The following PADI1 variants were observed in gnomAD, a reference collection of about 807,000 sequenced individuals.
PADI1 encodes the protein protein-arginine deiminase type-1.
In PADI1, 65 loss-of-function variants were observed where a neutral mutation model predicts 74.8. The ratio of observed to expected loss-of-function variants is 0.87; its 90% CI spans 0.71 to 1.07. The LOEUF is 1.07. Ranked by LOEUF, PADI1 falls within the 50% of genes least tolerant of loss-of-function variation. The pLI, the probability that PADI1 is intolerant of heterozygous loss-of-function variation, is 0.00. For missense variants in PADI1, 943 were observed against 854.0 expected (o/e 1.10, Z -1.30); for synonymous variants, 371 against 336.2 (o/e 1.10, Z -1.13).
chr1:17,242,067 A>T (rs1182400232), intron 15 of PADI1, among the ~76,000 whole-genome samples: 1 of 152,082 alleles, frequency 6.6e-6, no homozygotes, highest in African/African-American at 2.4e-5. Flanking sequence ...CCTGGCAGAG[A>T]CCCCCAAGCA....
chr1:17,232,483 C>A (rs546045723), intron 10 of PADI1, among the ~76,000 whole-genome samples: 1 of 152,200 alleles, frequency 6.6e-6, no homozygotes, highest in Non-Finnish European at 1.5e-5. Context: ...AATGTGCTAT[C>A]AAAAGACAGC....
At chr1:17,219,233 C>T (rs767279661) in intron 1 of PADI1, among the ~76,000 whole-genome samples, 8 of 151,784 alleles carry the variant, frequency 5.3e-5, no homozygotes, top group South Asian at 2.1e-4. Context: ...AGGGGGTGGC[C>T]GCAGCGGGGG....
chr1:17,207,005 A>T (rs1200963342), intron 1 of PADI1, among the ~76,000 whole-genome samples: 1 of 152,150 alleles, frequency 6.6e-6, no homozygotes, highest in Non-Finnish European at 1.5e-5. Flanking sequence ...CTAACTAGGC[A>T]TCCCACATTG....
In PADI1 at chr1:17,228,933, T is replaced by G; in HGVS notation, c.826-15T>G. The G allele has an allele frequency of 6.3e-7, 1 of 1,589,700 alleles. No homozygotes were observed. Among genetic ancestry groups the G allele is most frequent in the Non-Finnish European group, 8.6e-7 (1 of 1,163,580 alleles). ...GGTCCCTGCAGGGCCCACCAAGTCC[T>G]CATTTTCCCCTCAGACCCTGCCCGA... On this transcript the variant is annotated splice_polypyrimidine_tract_variant and intron_variant, in intron 7 of 15. Transcript: ENST00000375471.
chr1:17,230,800 T>C, intron 10 of PADI1, 121 bp downstream of exon 10: 1 of 644,696 alleles, frequency 1.6e-6, no homozygotes, highest in South Asian at 1.8e-5. Context: ...GGCAGAAGGA[T>C]ACAGGAGGTG....
intron 13 of PADI1, 138 bp from the exon 14 acceptor site, chr1:17,239,566 T>C: frequency 3.0e-6 from 2 of 664,450 alleles, no homozygotes; most frequent in Non-Finnish European, 5.5e-6. Context: ...GTTCTCAGTC[T>C]CTGGCTTTCT....
At chr1:17,211,658 C>T (rs2071836987) in intron 1 of PADI1, among the ~76,000 whole-genome samples, 1 of 152,202 alleles carries the variant, frequency 6.6e-6, no homozygotes, top group South Asian at 2.1e-4. Flanking sequence ...TTCTGTGAGC[C>T]TAACCCTGTG....
At chr1:17,226,546 T>C (rs1481556171) in intron 6 of PADI1, among the ~76,000 whole-genome samples, 1 of 152,130 alleles carries the variant, frequency 6.6e-6, no homozygotes. Flanking sequence ...TGAGAACCAG[T>C]GAGGCTGAGG....
intron 12 of PADI1, among the ~76,000 whole-genome samples, chr1:17,238,230 C>G (rs1569847355): frequency 6.6e-6 from 1 of 152,144 alleles, no homozygotes; most frequent in Non-Finnish European, 1.5e-5. Flanking sequence ...TAAGTAGAGA[C>G]AGGGTTTCAC....
chr1:17,225,281 C>T (rs1459484758), intron 4 of PADI1, among the ~76,000 whole-genome samples: 1 of 152,182 alleles, frequency 6.6e-6, no homozygotes, highest in Non-Finnish European at 1.5e-5. Flanking sequence ...GTGTTGGGGA[C>T]AGCAGCAACC....
intron 12 of PADI1, 73 bp from the exon 13 acceptor site, chr1:17,238,543 A>G (rs1339673071): frequency 4.2e-6 from 3 of 713,302 alleles, no homozygotes; most frequent in Non-Finnish European, 6.4e-6. Context: ...GCCCCTCCTG[A>G]GTCCTGAGTC....
At chr1:17,222,257 A>G in intron 1 of PADI1, 33 bp from the exon 2 acceptor site, 1 of 1,569,202 alleles carries the variant, frequency 6.4e-7, no homozygotes, top group Non-Finnish European at 8.8e-7. Flanking sequence ...AGATGGGAAG[A>G]CTGGTTCTCT....
chr1:17,205,545 A>C (rs2071661165), intron 1 of PADI1, among the ~76,000 whole-genome samples: 1 of 152,116 alleles, frequency 6.6e-6, no homozygotes. Context: ...TCCCCTGGGT[A>C]AGAGTCCAGC....
Position 17,230,643 on chromosome 1 carries a change from C to G in PADI1, c.1125C>G (p.Asn375Lys), listed in dbSNP as rs781426993. ...CCGTGGTCTTTGACTCCCCCAGGAA[C>G]AGGGGCCTGAAAGATTTCCCCTATA... ...SFPVVFDSPR[N>K]RGLKDFPYKR... Residue 375 changes from asparagine (N) to lysine (K), a missense_variant, in exon 10 of 16, where the codon AAC (asparagine) becomes AAG (lysine). Coordinates refer to ENST00000375471, the MANE Select transcript of PADI1 (RefSeq NM_013358.3). 6.2e-7 allele frequency: 1 copy of G among 1,611,536 alleles called. No homozygotes were observed. Among genetic ancestry groups the G allele is most frequent in the East Asian group, 2.2e-5 (1 of 44,874 alleles).
At chr1:17,206,531 C>G (rs977967123) in intron 1 of PADI1, among the ~76,000 whole-genome samples, 1 of 152,106 alleles carries the variant, frequency 6.6e-6, no homozygotes, top group African/African-American at 2.4e-5. Flanking sequence ...TTAACATAGG[C>G]TTGCCAGATT....
chr1:17,208,138 G>C (rs1009666735), intron 1 of PADI1, among the ~76,000 whole-genome samples: 4 of 152,194 alleles, frequency 2.6e-5, no homozygotes, highest in African/African-American at 9.7e-5. Context: ...ACTGGTGGGA[G>C]GGGGGAAGCC....
chr1:17,209,643 C>T (rs1569740235), intron 1 of PADI1, among the ~76,000 whole-genome samples: 1 of 152,012 alleles, frequency 6.6e-6, no homozygotes. Flanking sequence ...CCTGGCATTT[C>T]CTGGATCCTA....
chr1:17,232,660 A>AG (rs1244224724), intron 10 of PADI1, among the ~76,000 whole-genome samples, 159 bp from the exon 11 acceptor site: 1 of 152,034 alleles, frequency 6.6e-6, no homozygotes, highest in African/African-American at 2.4e-5. Context: ...CGCAGAGCCC[A>AG]GGGGGGATTT....
intron 12 of PADI1, among the ~76,000 whole-genome samples, chr1:17,238,343 T>C (rs987696999): frequency 7.9e-5 from 12 of 152,222 alleles, no homozygotes; most frequent in Non-Finnish European, 1.6e-4. Flanking sequence ...CACCCAGCCC[T>C]GAATTGGGCC....
Sources: gnomAD v4.1 joint callset for allele counts (sites outside exome capture counted in the v4.1 genomes callset) on GRCh38, gnomAD v4.1.1 for gene constraint, MANE v1.5 for transcripts, NCBI Gene and HGNC (gene_info 2026-07-23, HGNC 2026-07-21) for gene names.